The following FBXL2 variants were observed in gnomAD, a reference collection of about 807,000 sequenced individuals.
FBXL2 encodes the protein F-box and leucine rich repeat protein 2.
A neutral mutation model predicts 69.2 loss-of-function variants in FBXL2; 38 were observed. That is an observed-to-expected ratio of 0.55 (90% CI 0.42 to 0.72). FBXL2 has a LOEUF of 0.72. Among genes scored for constraint, FBXL2 ranks in the 30% least tolerant of loss-of-function variants. The pLI is 0.00. For missense variants in FBXL2, 354 were observed against 520.3 expected (o/e 0.68, Z 3.11); for synonymous variants, 192 against 201.3 (o/e 0.95, Z 0.39).
At chr3:33,408,682 T>TC in the FBXL2 span, 1 of 1,604,840 alleles carries the variant, frequency 6.2e-7, no homozygotes, top group African/African-American at 1.3e-5. Flanking sequence ...GAAGCAGAAG[T>TC]CCCTTACACT....
At chr3:33,321,910 G>C (rs1356516871) in intron 2 of FBXL2, among the ~76,000 whole-genome samples, 1 of 152,072 alleles carries the variant, frequency 6.6e-6, no homozygotes, top group Non-Finnish European at 1.5e-5. Context: ...GTGCATGACT[G>C]TACATTGCTG....
chr3:33,297,532 C>A, intron 1 of FBXL2, 132 bp from the exon 2 acceptor site: 1 of 594,052 alleles, frequency 1.7e-6, no homozygotes, highest in South Asian at 2.0e-5. Flanking sequence ...ATGGTGGCTG[C>A]ATGAAATTAG....
intron 2 of FBXL2, among the ~76,000 whole-genome samples, chr3:33,306,178 A>T (rs1412682789): frequency 2.0e-5 from 3 of 152,118 alleles, no homozygotes; most frequent in Non-Finnish European, 2.9e-5. Flanking sequence ...ACAAATTTTG[A>T]ACTGTAGTGT....
intron 1 of FBXL2, among the ~76,000 whole-genome samples, chr3:33,294,013 A>C (rs888576467): frequency 6.6e-6 from 1 of 152,342 alleles, no homozygotes; most frequent in African/African-American, 2.4e-5. Context: ...CTGAAATAAT[A>C]CTAAGTATCT....
At chr3:33,397,080 G>A (rs753801762) in intron 12 of FBXL2, 19 of 1,602,946 alleles carry the variant, frequency 1.2e-5, no homozygotes, top group African/African-American at 4.0e-5. Context: ...GAATTCCATC[G>A]GCTGCACCAC....
At chr3:33,390,288 C>A, downstream of FBXL2, 1 of 1,581,180 alleles carries the variant, frequency 6.3e-7, no homozygotes, top group Non-Finnish European at 8.7e-7. Context: ...CACTTTTAAG[C>A]GTGACTATTT....
intron 12 of FBXL2, chr3:33,393,300 G>T: frequency 6.3e-7 from 1 of 1,588,388 alleles, no homozygotes; most frequent in Admixed American, 1.8e-5. Flanking sequence ...AAAAACAAAT[G>T]ATTTGATTTA....
At chr3:33,281,741 C>A (rs903286803) in intron 1 of FBXL2, among the ~76,000 whole-genome samples, 2 of 151,934 alleles carry the variant, frequency 1.3e-5, no homozygotes, top group Non-Finnish European at 2.9e-5. Context: ...GCCATTCTAA[C>A]TGGTGTGAGA....
intron 2 of FBXL2, among the ~76,000 whole-genome samples, chr3:33,315,078 A>T (rs1182270468): frequency 6.6e-6 from 1 of 152,214 alleles, no homozygotes; most frequent in Non-Finnish European, 1.5e-5. Flanking sequence ...CACAGAAATT[A>T]AAAAGATGTG....
At chr3:33,308,303 G>A (rs2036895705) in intron 2 of FBXL2, among the ~76,000 whole-genome samples, 1 of 152,016 alleles carries the variant, frequency 6.6e-6, no homozygotes. Flanking sequence ...TGTGGGAAAG[G>A]GTATTTCAAG....
intron 2 of FBXL2, among the ~76,000 whole-genome samples, chr3:33,337,196 C>T (rs1381249963): frequency 1.3e-5 from 2 of 152,248 alleles, no homozygotes; most frequent in Non-Finnish European, 2.9e-5. Flanking sequence ...CAGAGCAAGA[C>T]TCCGTCTCAA....
intron 10 of FBXL2, 69 bp downstream of exon 10, chr3:33,375,487 G>A: frequency 1.3e-6 from 2 of 1,568,778 alleles, no homozygotes; most frequent in Non-Finnish European, 1.7e-6. Flanking sequence ...GCTTCCTTCA[G>A]GAGAGGACAG....
chr3:33,284,804 C>T (rs1404336131), intron 1 of FBXL2, among the ~76,000 whole-genome samples: 1 of 152,164 alleles, frequency 6.6e-6, no homozygotes, highest in African/African-American at 2.4e-5. Flanking sequence ...TATGTAATGG[C>T]CTTCTTTGTC....
chr3:33,341,323 T>G (rs2039998165), intron 2 of FBXL2, among the ~76,000 whole-genome samples: 1 of 152,156 alleles, frequency 6.6e-6, no homozygotes, highest in African/African-American at 2.4e-5. Context: ...GATAATCTGA[T>G]TTCTTCAACA....
intron 2 of FBXL2, among the ~76,000 whole-genome samples, chr3:33,310,010 A>C (rs1338629531): frequency 6.6e-6 from 1 of 152,158 alleles, no homozygotes; most frequent in African/African-American, 2.4e-5. Flanking sequence ...AAAGGAAAAA[A>C]AAAGTCACAT....
intron 4 of FBXL2, 91 bp downstream of exon 4, chr3:33,359,448 C>G: frequency 1.2e-6 from 1 of 819,336 alleles, no homozygotes; most frequent in Non-Finnish European, 1.9e-6. Context: ...GCATTTAGAT[C>G]TAATATTAAA....
At chr3:33,335,228 G>A (rs1190212606) in intron 2 of FBXL2, among the ~76,000 whole-genome samples, 1 of 151,542 alleles carries the variant, frequency 6.6e-6, no homozygotes, top group Non-Finnish European at 1.5e-5. Flanking sequence ...AAAAAAAACT[G>A]AGAGGATTCA....
At chr3:33,322,821 G>A (rs774522711) in intron 2 of FBXL2, among the ~76,000 whole-genome samples, 6 of 152,090 alleles carry the variant, frequency 3.9e-5, no homozygotes, top group Non-Finnish European at 7.4e-5. Context: ...GTGTCAAAAT[G>A]TATTTAATAT....
chr3:33,395,896 C>T (rs1205788275), intron 12 of FBXL2, among the ~76,000 whole-genome samples: 3 of 149,772 alleles, frequency 2.0e-5, no homozygotes, highest in African/African-American at 7.3e-5. Flanking sequence ...CTAGTTTTTC[C>T]ACTTGTTAGA....
Sources: gnomAD v4.1 joint callset for allele counts (sites outside exome capture counted in the v4.1 genomes callset) on GRCh38, gnomAD v4.1.1 for gene constraint, MANE v1.5 for transcripts, NCBI Gene and HGNC (gene_info 2026-07-23, HGNC 2026-07-21) for gene names.